The following FOXP2 variants were observed in gnomAD, a reference collection of about 807,000 sequenced individuals.
FOXP2 encodes the protein forkhead box protein P2.
FOXP2 carries 12 observed loss-of-function variants against 115.8 expected under a neutral mutation model. The ratio of observed to expected loss-of-function variants is 0.10; its 90% CI spans 0.07 to 0.17. The LOEUF is 0.17. Ranked by LOEUF, FOXP2 falls within the 10% of genes least tolerant of loss-of-function variation. The pLI, the probability that FOXP2 is intolerant of heterozygous loss-of-function variation, is 1.00. For missense variants in FOXP2, 629 were observed against 843.5 expected, an observed-to-expected ratio of 0.75 and a Z score of 3.15; for synonymous variants, 328 against 297.7, an observed-to-expected ratio of 1.10 and a Z score of -1.05.
intron 1 of FOXP2, among the ~76,000 whole-genome samples, chr7:114,270,183 A>G (rs893592290): frequency 1.3e-5 from 2 of 152,194 alleles, no homozygotes; most frequent in Non-Finnish European, 2.9e-5. Flanking sequence ...ATAATACTCA[A>G]TTGTGTGTAT....
At chr7:114,252,261 G>A (rs972867786) in intron 1 of FOXP2, among the ~76,000 whole-genome samples, 3 of 151,976 alleles carry the variant, frequency 2.0e-5, no homozygotes, top group Middle Eastern at 3.4e-3. Flanking sequence ...CTCTTTTTTC[G>A]TTGTGTGTCT....
chr7:114,367,008 G>C (rs1316617695), intron 2 of FOXP2, among the ~76,000 whole-genome samples: 1 of 151,976 alleles, frequency 6.6e-6, no homozygotes, highest in African/African-American at 2.4e-5. Context: ...AGATTTTTTT[G>C]CCTTCTCCTT....
intron 2 of FOXP2, among the ~76,000 whole-genome samples, chr7:114,457,698 A>T (rs1293170818): frequency 6.6e-6 from 1 of 152,136 alleles, no homozygotes; most frequent in Non-Finnish European, 1.5e-5. Context: ...GGAGATCGAG[A>T]CCATCCTGCC....
intron 1 of FOXP2, among the ~76,000 whole-genome samples, chr7:114,144,915 C>T (rs1026330554): frequency 3.9e-5 from 6 of 152,080 alleles, no homozygotes; most frequent in African/African-American, 9.7e-5. Context: ...ATCCACTGAA[C>T]GCTATTAATG....
At chr7:114,383,417 G>C (rs746994348) in intron 2 of FOXP2, among the ~76,000 whole-genome samples, 2 of 152,080 alleles carry the variant, frequency 1.3e-5, no homozygotes, top group Admixed American at 6.5e-5. Flanking sequence ...GGGTTGAAGG[G>C]GGGTCCTTAT....
rs996245370 is a variant in FOXP2 at position 114,693,095 on chromosome 7, T to C, written c.*3169T>C. The C allele has an allele frequency of 8.8e-6, 4 of 453,840 alleles. No individual in the cohort carries two copies. Among genetic ancestry groups the C allele is most frequent in the South Asian group, 1.6e-5 (1 of 64,474 alleles). The allele number at this position is 453,840 out of a possible 1,614,324, so 28.1% of individuals were successfully genotyped here. A position where few individuals can be genotyped will look rare whatever the true frequency, so the allele number is the denominator to read the frequency against. The stretch of plus-strand genomic sequence containing the variant: ...ACACAATTGCTTAAACCTAGTGGGC[T>C]TAAGGCTTATATTCTATGTGGTTGG... On this transcript the variant is annotated 3_prime_UTR_variant, in exon 17 of 17. Transcript: ENST00000350908.
chr7:114,215,206 C>A (rs1013918460), intron 1 of FOXP2, among the ~76,000 whole-genome samples: 2 of 152,042 alleles, frequency 1.3e-5, no homozygotes, highest in Admixed American at 1.3e-4. Context: ...TAAAAGAACA[C>A]AAATACTTCT....
chr7:114,217,396 A>T (rs1794512863), intron 1 of FOXP2, among the ~76,000 whole-genome samples: 1 of 152,032 alleles, frequency 6.6e-6, no homozygotes. Context: ...CAATTATTTT[A>T]CTAGGAACAA....
At chr7:114,453,481 A>G (rs984279692) in intron 2 of FOXP2, among the ~76,000 whole-genome samples, 2 of 152,024 alleles carry the variant, frequency 1.3e-5, no homozygotes, top group Non-Finnish European at 1.5e-5. Flanking sequence ...CAAAAGCAAA[A>G]TGATATAAAA....
At chr7:114,542,034 A>G (rs1412045605) in intron 3 of FOXP2, among the ~76,000 whole-genome samples, 1 of 152,058 alleles carries the variant, frequency 6.6e-6, no homozygotes, top group African/African-American at 2.4e-5. Context: ...ATTATTTTGA[A>G]ATTTACTTAC....
At chr7:114,249,464 G>A (rs1297961837) in intron 1 of FOXP2, among the ~76,000 whole-genome samples, 1 of 152,026 alleles carries the variant, frequency 6.6e-6, no homozygotes, top group Admixed American at 6.6e-5. Flanking sequence ...AACATGTGGT[G>A]TTTGGTTTTC....
intron 3 of FOXP2, among the ~76,000 whole-genome samples, chr7:114,571,515 A>G (rs1801301577): frequency 1.3e-5 from 2 of 151,848 alleles, no homozygotes; most frequent in Non-Finnish European, 1.5e-5. Flanking sequence ...CATATAAGTC[A>G]TGTATTTTCA....
At chr7:114,642,756 A>T (rs1288213594) in intron 7 of FOXP2, 133 bp downstream of exon 7, 11 of 389,626 alleles carry the variant, frequency 2.8e-5, no homozygotes, top group Non-Finnish European at 9.2e-6. Context: ...AAATCTTTAG[A>T]TTATTTATCT....
At chr7:114,203,977 C>T (rs1361957317) in intron 1 of FOXP2, among the ~76,000 whole-genome samples, 2 of 152,068 alleles carry the variant, frequency 1.3e-5, no homozygotes, top group Non-Finnish European at 2.9e-5. Flanking sequence ...TTTATATGTA[C>T]ATGTTTTTAA....
chr7:114,682,503 T>A (rs769355149), intron 16 of FOXP2, among the ~76,000 whole-genome samples: 1 of 152,192 alleles, frequency 6.6e-6, no homozygotes, highest in Admixed American at 6.5e-5. Flanking sequence ...GGGATGTTTC[T>A]ATGTTGGAAA....
intron 3 of FOXP2, among the ~76,000 whole-genome samples, chr7:114,542,040 C>G (rs1004744216): frequency 1.3e-5 from 2 of 152,030 alleles, no homozygotes; most frequent in African/African-American, 4.8e-5. Context: ...TTGAAATTTA[C>G]TTACATTTAA....
At chr7:114,375,710 C>T (rs531558387) in intron 2 of FOXP2, among the ~76,000 whole-genome samples, 6 of 152,234 alleles carry the variant, frequency 3.9e-5, no homozygotes, top group African/African-American at 9.6e-5. Context: ...TCCCAAGCAT[C>T]GCCTCTCTCT....
intron 2 of FOXP2, among the ~76,000 whole-genome samples, chr7:114,321,253 C>T (rs1222454387): frequency 1.3e-5 from 2 of 151,738 alleles, no homozygotes; most frequent in Non-Finnish European, 2.9e-5. Context: ...GGCTGGAGTG[C>T]AGTGGTGCTA....
chr7:114,553,525 A>C (rs78121722), intron 3 of FOXP2, among the ~76,000 whole-genome samples: 202 of 152,318 alleles, frequency 1.3e-3, no homozygotes, highest in African/African-American at 4.7e-3. Context: ...TCAAGAAATA[A>C]ATAACATCTT....
Sources: gnomAD v4.1 joint callset for allele counts (sites outside exome capture counted in the v4.1 genomes callset) on GRCh38, gnomAD v4.1.1 for gene constraint, MANE v1.5 for transcripts, NCBI Gene and HGNC (gene_info 2026-07-23, HGNC 2026-07-21) for gene names.